The following CACNA2D3 variants were observed in gnomAD, a reference collection of about 807,000 sequenced individuals.
CACNA2D3 encodes the protein calcium voltage-gated channel auxiliary subunit alpha2delta 3, also known as voltage-dependent calcium channel subunit alpha-2/delta-3.
In CACNA2D3, 60 loss-of-function variants were observed where a neutral mutation model predicts 160.6. That is an observed-to-expected ratio of 0.37 (90% CI 0.30 to 0.46). CACNA2D3 has a LOEUF of 0.46. Among genes scored for constraint, CACNA2D3 ranks in the 20% least tolerant of loss-of-function variants. The pLI is 1.00. For synonymous variants in CACNA2D3, 558 were observed against 492.9 expected (o/e 1.13, Z -1.75); for missense variants, 1,205 against 1,365.0 (o/e 0.88, Z 1.85).
chr3:55,038,775 G>A (rs1703889303), intron 35 of CACNA2D3, among the ~76,000 whole-genome samples: 1 of 150,664 alleles, frequency 6.6e-6, no homozygotes, highest in Admixed American at 6.7e-5. Context: ...TAGAATGGAT[G>A]GGATAAAAGT....
At chr3:54,714,363 G>A (rs917578691) in intron 11 of CACNA2D3, among the ~76,000 whole-genome samples, 3 of 152,178 alleles carry the variant, frequency 2.0e-5, no homozygotes, top group Non-Finnish European at 4.4e-5. Context: ...GATGGAGGGC[G>A]AGTGCTCTGG....
At chr3:54,526,185 C>A (rs1409647161) in intron 5 of CACNA2D3, among the ~76,000 whole-genome samples, 1 of 151,926 alleles carries the variant, frequency 6.6e-6, no homozygotes, top group Non-Finnish European at 1.5e-5. Context: ...TAATTTCTAT[C>A]TTTTTATTTA....
At chr3:54,811,883 T>G (rs1368826215) in intron 13 of CACNA2D3, among the ~76,000 whole-genome samples, 2 of 152,248 alleles carry the variant, frequency 1.3e-5, no homozygotes, top group African/African-American at 4.8e-5. Context: ...TCTCTGGCTT[T>G]GTGACCTTGT....
At chr3:54,866,758 T>C (rs1322250206) in intron 17 of CACNA2D3, among the ~76,000 whole-genome samples, 1 of 152,168 alleles carries the variant, frequency 6.6e-6, no homozygotes, top group Non-Finnish European at 1.5e-5. Flanking sequence ...GGGGTGCTGG[T>C]ATCCAGACCA....
chr3:54,228,965 T>C (rs1701721699), intron 2 of CACNA2D3, among the ~76,000 whole-genome samples: 1 of 152,184 alleles, frequency 6.6e-6, no homozygotes, highest in South Asian at 2.1e-4. Flanking sequence ...CTCAGATACC[T>C]CCAGGGCGCT....
At chr3:54,860,540 G>A (rs1162076870) in intron 17 of CACNA2D3, among the ~76,000 whole-genome samples, 1 of 152,118 alleles carries the variant, frequency 6.6e-6, no homozygotes, top group African/African-American at 2.4e-5. Context: ...AAATATAAAT[G>A]TTATGTTCGT....
intron 35 of CACNA2D3, among the ~76,000 whole-genome samples, chr3:55,053,512 C>T (rs984265446): frequency 6.6e-6 from 1 of 151,928 alleles, no homozygotes; most frequent in Non-Finnish European, 1.5e-5. Context: ...AGTTCCTGCA[C>T]ATCTGTTGTC....
At chr3:55,051,388 TG>T (rs372280663) in intron 35 of CACNA2D3, among the ~76,000 whole-genome samples, 41,170 of 151,302 alleles carry the variant, frequency 0.27, 8,112 homozygotes, top group African/African-American at 0.56. Flanking sequence ...GTGCCCCTGC[TG>T]GGGGGGTGCC....
chr3:54,842,464 T>C (rs1431058291), intron 16 of CACNA2D3, among the ~76,000 whole-genome samples: 1 of 152,208 alleles, frequency 6.6e-6, no homozygotes, highest in Non-Finnish European at 1.5e-5. Flanking sequence ...TGCCTGACCT[T>C]GTCCTAGGGA....
At chr3:54,170,632 CCTTT>C (rs1700544971) in intron 2 of CACNA2D3, among the ~76,000 whole-genome samples, 1 of 152,170 alleles carries the variant, frequency 6.6e-6, no homozygotes, top group Non-Finnish European at 1.5e-5. Context: ...CTCCCTCCCT[CCTTT>C]CTTCCTTCCT....
intron 2 of CACNA2D3, among the ~76,000 whole-genome samples, chr3:54,205,759 G>A (rs564160053): frequency 4.6e-4 from 70 of 152,318 alleles, no homozygotes; most frequent in African/African-American, 1.5e-3. Context: ...GCTGAGTCGG[G>A]GAGGAAGGCA....
intron 17 of CACNA2D3, among the ~76,000 whole-genome samples, chr3:54,868,745 A>G (rs551539950): frequency 2.6e-5 from 4 of 152,254 alleles, no homozygotes; most frequent in Non-Finnish European, 4.4e-5. Context: ...CTGTCTGCCT[A>G]TGGTTTGCAG....
At chr3:54,538,716 G>C (rs1701925749) in intron 5 of CACNA2D3, among the ~76,000 whole-genome samples, 1 of 152,142 alleles carries the variant, frequency 6.6e-6, no homozygotes, top group African/African-American at 2.4e-5. Context: ...CTTTGGCCCT[G>C]GTGCAAAGAT....
chr3:54,946,998 G>A (rs530381636), intron 27 of CACNA2D3, among the ~76,000 whole-genome samples: 1 of 152,252 alleles, frequency 6.6e-6, no homozygotes, highest in African/African-American at 2.4e-5. Flanking sequence ...AGAATTACCT[G>A]GAGAGCCTTA....
At chr3:54,559,357 G>A (rs1280960030) in intron 5 of CACNA2D3, among the ~76,000 whole-genome samples, 1 of 152,022 alleles carries the variant, frequency 6.6e-6, no homozygotes, top group Admixed American at 6.6e-5. Flanking sequence ...GAGTGCAGTG[G>A]CGCGATCTCG....
chr3:54,211,032 C>A (rs113920076), intron 2 of CACNA2D3, among the ~76,000 whole-genome samples: 4 of 152,294 alleles, frequency 2.6e-5, no homozygotes, highest in African/African-American at 7.2e-5. Flanking sequence ...AAAAGGAACA[C>A]AGAAAGCTCA....
At chr3:54,209,728 A>C (rs1010085039) in intron 2 of CACNA2D3, among the ~76,000 whole-genome samples, 1 of 152,242 alleles carries the variant, frequency 6.6e-6, no homozygotes, top group Non-Finnish European at 1.5e-5. Flanking sequence ...TTAATGGAAC[A>C]TAACCTTAAT....
At chr3:54,213,802 A>C (rs997636774) in intron 2 of CACNA2D3, among the ~76,000 whole-genome samples, 7 of 152,236 alleles carry the variant, frequency 4.6e-5, no homozygotes, top group Non-Finnish European at 5.9e-5. Context: ...AAATGAATCA[A>C]ATGAGGGAGA....
chr3:54,227,024 A>T (rs1373396627), intron 2 of CACNA2D3, among the ~76,000 whole-genome samples: 1 of 152,196 alleles, frequency 6.6e-6, no homozygotes, highest in Non-Finnish European at 1.5e-5. Context: ...TTTGGTAGAG[A>T]GAGCTCTGAA....
Sources: gnomAD v4.1 joint callset for allele counts (sites outside exome capture counted in the v4.1 genomes callset) on GRCh38, gnomAD v4.1.1 for gene constraint, MANE v1.5 for transcripts, NCBI Gene and HGNC (gene_info 2026-07-23, HGNC 2026-07-21) for gene names.